The following RANBP2 variants were observed in gnomAD, a reference collection of about 807,000 sequenced individuals.
The protein encoded by RANBP2 is RAN binding protein 2.
A neutral mutation model predicts 303.6 loss-of-function variants in RANBP2; 57 were observed. The ratio of observed to expected loss-of-function variants is 0.19; its 90% CI spans 0.15 to 0.23. The LOEUF is 0.23. Ranked by LOEUF, RANBP2 falls within the 10% of genes least tolerant of loss-of-function variation. The pLI is 1.00. For synonymous variants in RANBP2, 1,167 were observed against 1,301.5 expected (o/e 0.90, Z 2.23); for missense variants, 3,138 against 3,780.8 (o/e 0.83, Z 4.46).
chr2:109,743,272 A>G, the RANBP2 span, among the ~76,000 whole-genome samples: 6 of 140,360 alleles, frequency 4.3e-5, 1 homozygote, highest in African/African-American at 1.5e-4. Context: ...CCCCATCTCA[A>G]AAAATAATAA....
chr2:109,638,251 G>C, the RANBP2 span, among the ~76,000 whole-genome samples: 2 of 152,226 alleles, frequency 1.3e-5, no homozygotes, highest in Non-Finnish European at 2.9e-5. Context: ...AAAGAGTTAA[G>C]AGTTAGGCTT....
In RANBP2 at chr2:108,764,870, C is replaced by G; in HGVS notation, c.4331C>G (p.Ala1444Gly). The change falls in exon 20 of 29, where the codon GCT becomes GGT. Residue 1444 changes from alanine (A) to glycine (G), a missense_variant. By Grantham distance (60) the Ala-to-Gly change is moderately conservative. Coordinates refer to ENST00000283195, the MANE Select transcript of RANBP2 (RefSeq NM_006267.5). The part of the protein sequence containing the change: ...RCIACQNTKS[A>G]NKSGSSFVHQ... ...ATTGCGTGTCAGAATACAAAATCTG[C>G]TAACAAAAGTGGATCTTCATTTGTT... The G allele has an allele frequency of 6.2e-7, 1 of 1,613,942 alleles. No homozygotes were observed. The highest frequency in any genetic ancestry group is 1.1e-5 in the South Asian group (1 of 91,080).
At chr2:109,533,716 A>G in the RANBP2 span, among the ~76,000 whole-genome samples, 1 of 152,240 alleles carries the variant, frequency 6.6e-6, no homozygotes, top group African/African-American at 2.4e-5. Context: ...AACCCATGTC[A>G]AGCGTAATTT....
the RANBP2 span, among the ~76,000 whole-genome samples, chr2:108,888,597 C>T: frequency 2.0e-5 from 3 of 151,944 alleles, no homozygotes; most frequent in Non-Finnish European, 4.4e-5. Flanking sequence ...AATTTGTGAG[C>T]AAATAGTTGT....
At chr2:108,965,322 A>C in the RANBP2 span, among the ~76,000 whole-genome samples, 1 of 152,274 alleles carries the variant, frequency 6.6e-6, no homozygotes, top group East Asian at 1.9e-4. Flanking sequence ...CTAAAAATAC[A>C]AAAACAAAAT....
chr2:108,831,774 C>A, the RANBP2 span, among the ~76,000 whole-genome samples: 3 of 146,116 alleles, frequency 2.1e-5, no homozygotes, highest in Admixed American at 2.0e-4. Context: ...CTCTTGTTGC[C>A]CAGGCTGGAG....
chr2:109,372,841 G>T, the RANBP2 span, among the ~76,000 whole-genome samples: 3 of 152,214 alleles, frequency 2.0e-5, no homozygotes, highest in Non-Finnish European at 4.4e-5. Context: ...AAGCCCACGG[G>T]TGACACGGCC....
chr2:109,512,779 G>T, the RANBP2 span, among the ~76,000 whole-genome samples: 3 of 151,978 alleles, frequency 2.0e-5, no homozygotes, highest in Non-Finnish European at 4.4e-5. Context: ...CTCCACCCTG[G>T]GTGCCCCAAG....
chr2:109,107,431 C>T, the RANBP2 span, among the ~76,000 whole-genome samples: 27 of 152,242 alleles, frequency 1.8e-4, no homozygotes, highest in Admixed American at 8.5e-4. Context: ...GGCTTCTGAA[C>T]GGGACCAGGA....
intron 1 of RANBP2, chr2:108,720,075 T>C: frequency 2.0e-6 from 2 of 984,594 alleles, no homozygotes; most frequent in Non-Finnish European, 2.4e-6. Context: ...ACATATACTT[T>C]ATATGCTGCG....
At chr2:109,543,648 T>C in the RANBP2 span, 1 of 152,384 alleles carries the variant, frequency 6.6e-6, no homozygotes, top group Non-Finnish European at 1.5e-5. Flanking sequence ...ACGATATTAA[T>C]GGGTTCTGTA....
chr2:109,459,499 C>T, the RANBP2 span, among the ~76,000 whole-genome samples: 2 of 152,090 alleles, frequency 1.3e-5, no homozygotes, highest in Non-Finnish European at 2.9e-5. Flanking sequence ...TTCCATTGAC[C>T]TCAGTCACGG....
chr2:108,977,181 C>T, the RANBP2 span, among the ~76,000 whole-genome samples: 11 of 152,194 alleles, frequency 7.2e-5, no homozygotes, highest in Non-Finnish European at 1.3e-4. Flanking sequence ...TGCCAACAGG[C>T]CCTGCACCCC....
At chr2:109,681,975 C>T in the RANBP2 span, among the ~76,000 whole-genome samples, 275 of 152,272 alleles carry the variant, frequency 1.8e-3, 3 homozygotes, top group African/African-American at 6.5e-3. Context: ...GCTGTAAACA[C>T]GGGTTCCCAA....
the RANBP2 span, among the ~76,000 whole-genome samples, chr2:109,408,304 G>A: frequency 6.6e-6 from 1 of 152,188 alleles, no homozygotes; most frequent in Non-Finnish European, 1.5e-5. Flanking sequence ...TGAGGTCGGT[G>A]TCCTCAGGGC....
chr2:109,724,084 G>A, the RANBP2 span, among the ~76,000 whole-genome samples: 1 of 152,246 alleles, frequency 6.6e-6, no homozygotes, highest in South Asian at 2.1e-4. Context: ...TTGTAGGTGT[G>A]CAGTCTTATT....
chr2:109,567,443 T>C, the RANBP2 span, among the ~76,000 whole-genome samples: 2 of 152,208 alleles, frequency 1.3e-5, no homozygotes, highest in Admixed American at 1.3e-4. Flanking sequence ...TCCTTAAAGA[T>C]TTTAAGATTT....
At chr2:109,563,942 A>C in the RANBP2 span, among the ~76,000 whole-genome samples, 17 of 152,334 alleles carry the variant, frequency 1.1e-4, no homozygotes, top group African/African-American at 3.6e-4. Context: ...GCAACATAGT[A>C]AGACCCTGTC....
At position 108,730,815 on chromosome 2, in the gene RANBP2, A is replaced by C. The variant is rs375559497; in HGVS notation, c.182A>C (p.Lys61Thr). 2 of 1,611,568 alleles carry C rather than the reference A, an allele frequency of 1.2e-6. No individual in the cohort carries two copies. Among genetic ancestry groups the C allele is most frequent in the African/African-American group, 2.7e-5 (2 of 74,850 alleles). ...TYINVQERDPKAHRFLGLLYE... is the reference protein window; with the variant it reads ...TYINVQERDPTAHRFLGLLYE... ...ATTAATGTGCAAGAGAGGGATCCCA[A>C]AGCTCACAGATTTCTGGGTCTTCTT... The change falls in exon 3 of 29, where the codon AAA becomes ACA. Residue 61 changes from lysine (K) to threonine (T), a missense_variant. By Grantham distance (78) the Lys-to-Thr change is moderately conservative (BLOSUM62 -1). Coordinates refer to ENST00000283195, the MANE Select transcript of RANBP2 (RefSeq NM_006267.5).
Sources: gnomAD v4.1 joint callset for allele counts (sites outside exome capture counted in the v4.1 genomes callset) on GRCh38, gnomAD v4.1.1 for gene constraint, MANE v1.5 for transcripts, NCBI Gene and HGNC (gene_info 2026-07-23, HGNC 2026-07-21) for gene names.